The following AP4E1 variants were observed in gnomAD, a reference collection of about 807,000 sequenced individuals.
AP4E1 encodes the protein AP-4 complex subunit epsilon-1.
A neutral mutation model predicts 128.2 loss-of-function variants in AP4E1; 56 were observed. That is an observed-to-expected ratio of 0.44 (90% CI 0.35 to 0.55). The LOEUF (loss-of-function observed/expected upper bound fraction) is 0.55, where lower values mean the gene tolerates loss of function less well. AP4E1 is among the 20% of genes least tolerant of loss of function. The probability of loss-of-function intolerance (pLI) is 0.00; values close to 1 mark genes in which losing one functional copy is unlikely to be tolerated. For missense variants in AP4E1, 1,324 were observed against 1,307.7 expected (o/e 1.01, Z -0.19); for synonymous variants, 484 against 473.1 (o/e 1.02, Z -0.30).
At chr15:50,985,855 T>C (rs2140917535) in intron 16 of AP4E1, among the ~76,000 whole-genome samples, 1 of 152,320 alleles carries the variant, frequency 6.6e-6, no homozygotes, top group East Asian at 1.9e-4. Context: ...AAGACAGTCA[T>C]TGGTAGCTTG....
chr15:50,992,837 C>T (rs1307172910), intron 16 of AP4E1, among the ~76,000 whole-genome samples: 3 of 151,982 alleles, frequency 2.0e-5, no homozygotes, highest in African/African-American at 7.2e-5. Context: ...AGCATGTATT[C>T]AGGGCAACTT....
chr15:50,921,283 C>T (rs761240249), intron 3 of AP4E1, among the ~76,000 whole-genome samples: 1 of 152,102 alleles, frequency 6.6e-6, no homozygotes, highest in Non-Finnish European at 1.5e-5. Flanking sequence ...AATAAATAAA[C>T]TTCAGTGCTC....
rs961212978 is a variant in AP4E1 at position 51,001,721 on chromosome 15, A to G, written c.3253+538A>G. ...TGTGATACATTTTGTTTATCCATTCATCTGTAAATGGATACTTGGGTTACT... is the reference window on the plus strand; with the variant it reads ...TGTGATACATTTTGTTTATCCATTCGTCTGTAAATGGATACTTGGGTTACT... On this transcript the variant is annotated intron_variant, in intron 20 of 20. Transcript: ENST00000261842. 2.6e-4 allele frequency among the ~76,000 whole-genome samples: 40 copies of G among 152,176 alleles called. 1 individual carries two copies. The highest frequency in any genetic ancestry group is 1.5e-5 in the Non-Finnish European group (1 of 68,024).
intron 13 of AP4E1, among the ~76,000 whole-genome samples, chr15:50,953,698 T>C (rs1320454654): frequency 1.3e-5 from 2 of 152,234 alleles, no homozygotes; most frequent in African/African-American, 4.8e-5. Context: ...AATTTGGATA[T>C]GCCAAAGAGA....
intron 16 of AP4E1, among the ~76,000 whole-genome samples, chr15:50,991,252 A>G (rs760174815): frequency 1.3e-5 from 2 of 152,162 alleles, no homozygotes; most frequent in African/African-American, 2.4e-5. Flanking sequence ...GGAGCAGCCC[A>G]TTGTCCTCCA....
At position 50,915,464 on chromosome 15, in the gene AP4E1, G is replaced by T; in HGVS notation, c.239G>T (p.Cys80Phe). The stretch of plus-strand genomic sequence containing the variant: ...GCTTTTCAGAAAATGATGAAGGAAT[G>T]TATGGTGAGACTTATATATTGTGAA... ...PTTTLKMMKE[C>F]MVRLIYCEML... Residue 80 changes from cysteine to phenylalanine, a missense_variant, in exon 3 of 21, where the codon TGT becomes TTT. By Grantham distance (205) the Cys-to-Phe change is radical. Coordinates refer to ENST00000261842, the MANE Select transcript of AP4E1 (RefSeq NM_007347.5). 6.2e-7 allele frequency: 1 copy of T among 1,613,146 alleles called. No individual in the cohort carries two copies. Among genetic ancestry groups the T allele is most frequent in the Non-Finnish European group, 8.5e-7 (1 of 1,179,366 alleles).
Position 51,002,569 on chromosome 15 carries a change from T to G in AP4E1, c.3321T>G (p.His1107Gln). ...SIPCLLHCRV[H>Q]ADVLALWFRS... ...CCTGCTTACTGCATTGCCGAGTTCA[T>G]GCAGATGTATTAGCCCTGTGGTTCA... Residue 1107 changes from histidine (H) to glutamine (Q), a missense_variant, in exon 21 of 21, where the codon CAT (histidine) becomes CAG (glutamine). His to Gln is a conservative substitution (Grantham distance 24). Transcript: ENST00000261842. 6.2e-7 allele frequency: 1 copy of G among 1,614,228 alleles called. No individual in the cohort carries two copies. Among genetic ancestry groups the G allele is most frequent in the Non-Finnish European group, 8.5e-7 (1 of 1,180,022 alleles).
rs1555460359 is a variant in AP4E1 at position 50,977,708 on chromosome 15, T to TTTTTTTTTG, written c.1967-6306_1967-6305insGTTTTTTTT. Among the ~76,000 whole-genome samples, 45 of 116,538 alleles carry TTTTTTTTTG rather than the reference T, an allele frequency of 3.9e-4. 1 individual carries two copies. Among genetic ancestry groups the TTTTTTTTTG allele is most frequent in the South Asian group, 1.3e-3 (5 of 3,708 alleles). 76.5% of individuals were successfully genotyped at this position (116,538 alleles called of 152,430 possible). On this transcript the variant is annotated intron_variant, in intron 15 of 20. Coordinates refer to ENST00000261842, the MANE Select transcript of AP4E1 (RefSeq NM_007347.5). The stretch of plus-strand genomic sequence containing the variant: ...CTTTTAATTATCAATCTGTTATGGT[T>TTTTTTTTTG]TTTTTTTTTTTTTTTTTTAGACAGA...
At chr15:50,913,783 T>C (rs973783748) in intron 2 of AP4E1, among the ~76,000 whole-genome samples, 2 of 152,198 alleles carry the variant, frequency 1.3e-5, no homozygotes, top group African/African-American at 4.8e-5. Flanking sequence ...GTTTATCTTT[T>C]GTTTGTTTTC....
rs770298007 is a variant in AP4E1, at chr15:50,977,711, T to TTTTTG, written c.1967-6307_1967-6306insGTTTT. ...TTAATTATCAATCTGTTATGGTTTT[T>TTTTTG]TTTTTTTTTTTTTTTAGACAGAGTC... On this transcript the variant is annotated intron_variant, in intron 15 of 20. Coordinates refer to ENST00000261842, the MANE Select transcript of AP4E1 (RefSeq NM_007347.5). Among the ~76,000 whole-genome samples the TTTTTG allele has an allele frequency of 5.0e-4, 43 of 85,216 alleles. 3 individuals are homozygous for TTTTTG. The highest frequency in any genetic ancestry group is 6.9e-4 in the East Asian group (1 of 1,440). 55.9% of individuals were successfully genotyped at this position (85,216 alleles called of 152,430 possible).
intron 16 of AP4E1, among the ~76,000 whole-genome samples, chr15:50,989,847 A>G (rs2064780316): frequency 1.3e-5 from 2 of 152,308 alleles, no homozygotes; most frequent in South Asian, 2.1e-4. Context: ...ATCCTGCAGT[A>G]TTGTGAAATG....
chr15:50,951,567 A>G (rs1346002054), intron 13 of AP4E1, among the ~76,000 whole-genome samples: 1 of 152,214 alleles, frequency 6.6e-6, no homozygotes, highest in Non-Finnish European at 1.5e-5. Context: ...TATGGTATGC[A>G]CATTTTAATA....
intron 5 of AP4E1, among the ~76,000 whole-genome samples, chr15:50,926,526 A>G (rs1221151165): frequency 6.6e-6 from 1 of 152,142 alleles, no homozygotes; most frequent in East Asian, 1.9e-4. Context: ...TGTTACTCAT[A>G]CAACATTTAT....
chr15:50,988,181 A>G (rs986010352), intron 16 of AP4E1, among the ~76,000 whole-genome samples: 5 of 152,216 alleles, frequency 3.3e-5, no homozygotes, highest in Non-Finnish European at 5.9e-5. Flanking sequence ...TAAACTTATG[A>G]TGGGGTTACA....
intron 7 of AP4E1, among the ~76,000 whole-genome samples, chr15:50,933,951 T>C (rs2063870617): frequency 6.6e-6 from 1 of 152,072 alleles, no homozygotes; most frequent in Admixed American, 6.6e-5. Flanking sequence ...GCTAAGAAGC[T>C]ATAGTTTTTC....
chr15:50,987,440 A>C (rs1274684544), intron 16 of AP4E1, among the ~76,000 whole-genome samples: 1 of 152,186 alleles, frequency 6.6e-6, no homozygotes, highest in Non-Finnish European at 1.5e-5. Context: ...GTGGGCATTT[A>C]GTGCTATAAA....
intron 2 of AP4E1, among the ~76,000 whole-genome samples, chr15:50,914,217 A>G (rs983448738): frequency 2.6e-5 from 4 of 152,162 alleles, no homozygotes; most frequent in African/African-American, 9.7e-5. Context: ...AGATTTTCCT[A>G]TGGTTTCTCT....
chr15:50,951,793 C>A (rs2064154586), intron 13 of AP4E1, among the ~76,000 whole-genome samples: 1 of 140,600 alleles, frequency 7.1e-6, no homozygotes, highest in Admixed American at 7.5e-5. Flanking sequence ...GTGGCGTGAA[C>A]TCAGCTCACT....
chr15:50,949,708 T>C, intron 11 of AP4E1, 118 bp from the exon 12 acceptor site: 2 of 776,238 alleles, frequency 2.6e-6, no homozygotes, highest in Admixed American at 2.0e-5. Context: ...ATGGCAGAGG[T>C]TAAAGGTAAA....
Sources: allele counts gnomAD v4.1 joint callset (sites outside exome capture counted in the v4.1 genomes callset), GRCh38; gene constraint gnomAD v4.1.1; transcripts MANE v1.5; gene names NCBI Gene and HGNC (gene_info 2026-07-23, HGNC 2026-07-21).